LARP4B: variants seen among roughly 807,000 people sequenced by gnomAD.
LARP4B encodes la-related protein 4B.
LARP4B carries 12 observed loss-of-function variants against 89.8 expected under a neutral mutation model. The observed-to-expected ratio is 0.13, with a 90% CI of 0.09 to 0.22. The LOEUF (loss-of-function observed/expected upper bound fraction) is 0.22, where lower values mean the gene tolerates loss of function less well. LARP4B is among the 10% of genes least tolerant of loss of function. LARP4B has a pLI of 1.00. For missense variants in LARP4B, 757 were observed against 947.7 expected (o/e 0.80, Z 2.64); for synonymous variants, 367 against 363.3 (o/e 1.01, Z -0.12).
chr10:847,163 T>G (rs1833815584), intron 5 of LARP4B, among the ~76,000 whole-genome samples: 1 of 151,988 alleles, frequency 6.6e-6, no homozygotes, highest in Non-Finnish European at 1.5e-5. Flanking sequence ...ACAGCTGAAG[T>G]GTTCTACAGT....
At chr10:820,626 T>C (rs1354249533) in intron 14 of LARP4B, 174 bp downstream of exon 14, 5 of 612,540 alleles carry the variant, frequency 8.2e-6, no homozygotes, top group African/African-American at 7.4e-5. Context: ...ACCTCTACAG[T>C]TGCTTCCTCC....
At chr10:964,357 G>C in the LARP4B span, among the ~76,000 whole-genome samples, 1 of 152,160 alleles carries the variant, frequency 6.6e-6, no homozygotes, top group Admixed American at 6.5e-5. Flanking sequence ...GGGTCACCAT[G>C]CCCAGCCCAG....
At chr10:929,679 G>GA (rs1588999102) in intron 1 of LARP4B, among the ~76,000 whole-genome samples, 3 of 152,122 alleles carry the variant, frequency 2.0e-5, no homozygotes, top group African/African-American at 7.2e-5. Context: ...ACAGTCCTAA[G>GA]AAAATGAGAT....
Position 922,848 on chromosome 10 carries a change from A to T in LARP4B, c.-40+8580T>A, listed in dbSNP as rs148715544. ...AACACTTTGGGAGGCCAAGGCAGGC[A>T]GATTGCTTGAGGTCAGGAGATTGAG... On this transcript the variant is annotated intron_variant, in intron 1 of 17. Coordinates refer to ENST00000316157, the MANE Select transcript of LARP4B (RefSeq NM_015155.3). Among the ~76,000 whole-genome samples the T allele has an allele frequency of 2.8e-3, 430 of 152,288 alleles. 5 individuals carry two copies. Among genetic ancestry groups the T allele is most frequent in the African/African-American group, 0.01 (416 of 41,576 alleles).
In LARP4B at chr10:836,525, T is replaced by G; in HGVS notation, c.647-19A>C. ...GGTAAAGCTACAAAGAGAAGAAAAA[T>G]CAATGGTGAAACAAAAATATTAAAA... On this transcript the variant is annotated intron_variant, in intron 7 of 17. Coordinates refer to ENST00000316157, the MANE Select transcript of LARP4B (RefSeq NM_015155.3). The G allele has an allele frequency of 6.7e-7, 1 of 1,484,216 alleles. No homozygotes were observed. The highest frequency in any genetic ancestry group is 2.3e-5 in the East Asian group (1 of 44,096). The allele number at this position is 1,484,216 out of a possible 1,614,324, so 91.9% of individuals were successfully genotyped here.
intron 3 of LARP4B, among the ~76,000 whole-genome samples, chr10:883,842 G>T (rs556710622): frequency 6.6e-6 from 1 of 151,172 alleles, no homozygotes; most frequent in East Asian, 1.9e-4. Context: ...TAATGGGGGG[G>T]GAATAGATGA....
At chr10:923,499 C>A (rs375846911) in intron 1 of LARP4B, among the ~76,000 whole-genome samples, 34 of 149,636 alleles carry the variant, frequency 2.3e-4, no homozygotes, top group Middle Eastern at 3.4e-3. Context: ...CTTTATGGAC[C>A]CAGTAAAAAA....
intron 3 of LARP4B, chr10:873,544 A>G: frequency 2.6e-6 from 1 of 384,274 alleles, no homozygotes. Context: ...GGTGGTAACT[A>G]AATAAAATAG....
At chr10:883,487 GCAA>G (rs540980651) in intron 3 of LARP4B, among the ~76,000 whole-genome samples, 180 of 151,970 alleles carry the variant, frequency 1.2e-3, no homozygotes, top group African/African-American at 4.2e-3. Flanking sequence ...ACCAGCCTGG[GCAA>G]CAAGAGGGAA....
intron 8 of LARP4B, among the ~76,000 whole-genome samples, chr10:832,619 G>C (rs1032012581): frequency 1.3e-5 from 2 of 152,060 alleles, no homozygotes; most frequent in African/African-American, 2.4e-5. Flanking sequence ...ACAGAAGGAT[G>C]GTGATAAAAA....
chr10:826,331 G>A (rs556988800), intron 11 of LARP4B, among the ~76,000 whole-genome samples: 1 of 152,206 alleles, frequency 6.6e-6, no homozygotes, highest in East Asian at 1.9e-4. Flanking sequence ...AGCCTGACAG[G>A]GCCTTTACCT....
the LARP4B span, among the ~76,000 whole-genome samples, chr10:944,669 T>C: frequency 6.6e-6 from 1 of 152,270 alleles, no homozygotes; most frequent in Non-Finnish European, 1.5e-5. Context: ...GTCTGGGCGT[T>C]GCCCCCGCCC....
At chr10:932,745 A>G (rs1240903678), upstream of LARP4B, among the ~76,000 whole-genome samples, 1 of 120,300 alleles carries the variant, frequency 8.3e-6, no homozygotes, top group Non-Finnish European at 1.7e-5. Context: ...CCCACACCTG[A>G]GACGAAGGTC....
chr10:814,894 A>G lies in LARP4B; in HGVS notation c.1821-44T>C. ...ATATTTGAATCTCATGCAACATCAC[A>G]GGCCATTCAAGTCAGTCAACACCAA... is the stretch of plus-strand genomic sequence containing the variant. On this transcript the variant is annotated intron_variant, in intron 16 of 17. Transcript: ENST00000316157. The surrounding 1 kb of genome is among the most constrained non-coding windows in gnomAD (Gnocchi z 4.4). The G allele has an allele frequency of 6.3e-7, 1 of 1,579,002 alleles. No homozygotes were observed. Among genetic ancestry groups the G allele is most frequent in the Non-Finnish European group, 8.6e-7 (1 of 1,157,686 alleles).
At chr10:816,180 G>C (rs1167033015) in intron 15 of LARP4B, among the ~76,000 whole-genome samples, 1 of 152,250 alleles carries the variant, frequency 6.6e-6, no homozygotes. Flanking sequence ...AGGGAGCCAA[G>C]GTCGTGCCAC....
chr10:881,921 C>A (rs949354547), intron 3 of LARP4B, among the ~76,000 whole-genome samples: 3 of 152,198 alleles, frequency 2.0e-5, no homozygotes, highest in African/African-American at 7.2e-5. Context: ...ATCACTTGCA[C>A]TCAGTTTTGA....
chr10:908,265 A>G (rs1009055494), intron 1 of LARP4B, among the ~76,000 whole-genome samples: 3 of 152,154 alleles, frequency 2.0e-5, no homozygotes, highest in African/African-American at 4.8e-5. Flanking sequence ...AGCTGAACAC[A>G]TGGAGGTTGT....
intron 9 of LARP4B, among the ~76,000 whole-genome samples, chr10:829,940 C>T (rs1024328340): frequency 3.9e-5 from 6 of 152,182 alleles, no homozygotes; most frequent in African/African-American, 1.4e-4. Flanking sequence ...CAAATTCTCA[C>T]AAACAAGATT....
chr10:832,701 C>T (rs983905344), intron 8 of LARP4B, among the ~76,000 whole-genome samples: 6 of 151,994 alleles, frequency 3.9e-5, no homozygotes, highest in African/African-American at 1.4e-4. Flanking sequence ...CCCCTCAATC[C>T]AGAAATCTAT....
Sources: gnomAD v4.1 joint callset for allele counts (sites outside exome capture counted in the v4.1 genomes callset) on GRCh38, gnomAD v4.1.1 for gene constraint, Gnocchi (gnomAD v3.1) non-coding constraint, MANE v1.5 for transcripts, NCBI Gene and HGNC (gene_info 2026-07-23, HGNC 2026-07-21) for gene names.